Variants in PPM1L observed in about 807,000 individuals in gnomAD.
PPM1L encodes the protein protein phosphatase 1L.
In PPM1L, 13 loss-of-function variants were observed where a neutral mutation model predicts 31.4. That is an observed-to-expected ratio of 0.41 (90% CI 0.27 to 0.66). The LOEUF is 0.66. Among genes scored for constraint, PPM1L ranks in the 30% least tolerant of loss-of-function variants. The pLI, the probability that PPM1L is intolerant of heterozygous loss-of-function variation, is 0.29. For synonymous variants in PPM1L, 184 were observed against 175.4 expected (o/e 1.05, Z -0.39); for missense variants, 326 against 453.7 (o/e 0.72, Z 2.56).
rs546995690 is a variant in PPM1L at position 160,937,492 on chromosome 3, C to T, written c.400-24244C>T. Reference sequence around the variant, plus strand: ...AAAATTAGCCAGACGTGGTGGTGGGCGCCTGTAGTCCCAGCTACTTGGGAG... The same window carrying T: ...AAAATTAGCCAGACGTGGTGGTGGGTGCCTGTAGTCCCAGCTACTTGGGAG... On this transcript the variant is annotated intron_variant, in intron 1 of 3. Coordinates refer to ENST00000498165, the MANE Select transcript of PPM1L (RefSeq NM_139245.4). Among the ~76,000 whole-genome samples the T allele has an allele frequency of 1.5e-3, 233 of 152,130 alleles. 2 individuals are homozygous for T. In the South Asian group the frequency reaches 0.032, roughly 21 times the overall value.
chr3:161,041,355 C>G (rs1718898443), intron 2 of PPM1L, among the ~76,000 whole-genome samples: 1 of 152,212 alleles, frequency 6.6e-6, no homozygotes. Context: ...TAAAACCAAG[C>G]TGCACCCTGA....
At chr3:160,939,385 C>T (rs767841283) in intron 1 of PPM1L, among the ~76,000 whole-genome samples, 12 of 152,106 alleles carry the variant, frequency 7.9e-5, no homozygotes, top group East Asian at 1.9e-4. Flanking sequence ...TATTCTGCTC[C>T]GCAACTCCTT....
chr3:160,763,195 G>C (rs1715015706), intron 1 of PPM1L, among the ~76,000 whole-genome samples: 2 of 152,338 alleles, frequency 1.3e-5, no homozygotes, highest in South Asian at 4.1e-4. Context: ...AAGGCAGCCT[G>C]CTTGCTCCCT....
chr3:160,944,808 TAACA>T (rs537533609), intron 1 of PPM1L, among the ~76,000 whole-genome samples: 259 of 13,214 alleles, frequency 0.02, 35 homozygotes, highest in South Asian at 0.035. Flanking sequence ...ATAACATATA[TAACA>T]TATATATGTT....
intron 2 of PPM1L, among the ~76,000 whole-genome samples, chr3:161,049,543 G>A (rs1355102152): frequency 6.6e-6 from 1 of 152,178 alleles, no homozygotes; most frequent in Non-Finnish European, 1.5e-5. Flanking sequence ...GATTTAGGGT[G>A]TCAGACCTGG....
chr3:160,925,006 A>G (rs1302588411), intron 1 of PPM1L, among the ~76,000 whole-genome samples: 1 of 152,228 alleles, frequency 6.6e-6, no homozygotes, highest in Non-Finnish European at 1.5e-5. Context: ...TAAAAAGACT[A>G]TTCTCTCCTA....
chr3:160,998,556 C>A (rs1325436129), intron 2 of PPM1L, among the ~76,000 whole-genome samples: 1 of 151,962 alleles, frequency 6.6e-6, no homozygotes, highest in Non-Finnish European at 1.5e-5. Context: ...TTCAAAATGA[C>A]TTTCCTGAGG....
intron 2 of PPM1L, among the ~76,000 whole-genome samples, chr3:161,017,828 G>A (rs1718128378): frequency 6.6e-6 from 1 of 151,968 alleles, no homozygotes; most frequent in South Asian, 2.1e-4. Context: ...GAAATACAGG[G>A]GAAAAACAGA....
chr3:160,910,189 C>G (rs1166448654), intron 1 of PPM1L, among the ~76,000 whole-genome samples: 1 of 133,376 alleles, frequency 7.5e-6, no homozygotes, highest in Non-Finnish European at 1.6e-5. Context: ...CCTTCCCCTT[C>G]CCCTTCCCCT....
chr3:160,946,722 T>C lies in PPM1L; in HGVS notation c.400-15014T>C, dbSNP rs1013874704. Among the ~76,000 whole-genome samples, 2 of 152,166 alleles carry C rather than the reference T, an allele frequency of 1.3e-5. 1 individual carries two copies. Among genetic ancestry groups the C allele is most frequent in the Non-Finnish European group, 2.9e-5 (2 of 68,022 alleles). ...GAGTGGGGAGACCATTGGGCTTCTT[T>C]CCTTTGCCTTTGAAAGTGCCACTTT... On this transcript the variant is annotated intron_variant, in intron 1 of 3. Coordinates refer to ENST00000498165, the MANE Select transcript of PPM1L (RefSeq NM_139245.4).
At chr3:160,991,175 C>A (rs1031238009) in intron 2 of PPM1L, among the ~76,000 whole-genome samples, 1 of 151,898 alleles carries the variant, frequency 6.6e-6, no homozygotes, top group Admixed American at 6.6e-5. Flanking sequence ...TCGTCCTGGG[C>A]TGGTGGGCCA....
At chr3:161,047,113 T>G (rs1356494313) in intron 2 of PPM1L, among the ~76,000 whole-genome samples, 4 of 152,064 alleles carry the variant, frequency 2.6e-5, no homozygotes, top group African/African-American at 4.8e-5. Context: ...GAGAAAGAAA[T>G]AAAGGGTATT....
In PPM1L at chr3:161,074,439, C is replaced by A. The variant is rs1354050553; in HGVS notation, c.*5282C>A. On this transcript the variant is annotated 3_prime_UTR_variant, in exon 4 of 4. Coordinates refer to ENST00000498165, the MANE Select transcript of PPM1L (RefSeq NM_139245.4). The stretch of plus-strand genomic sequence containing the variant: ...GTACAGAGTGAATTAAGGCAAAAGT[C>A]ATTAACTTAAAATTACATCCAATAT... 6.6e-6 allele frequency: 1 copy of A among 152,142 alleles called. No individual in the cohort carries two copies. Among genetic ancestry groups the A allele is most frequent in the African/African-American group, 2.4e-5 (1 of 41,438 alleles). The allele number at this position is 152,142 out of a possible 1,614,324, so 9.4% of individuals were successfully genotyped here.
At chr3:160,849,468 C>T (rs1238322786) in intron 1 of PPM1L, among the ~76,000 whole-genome samples, 1 of 151,562 alleles carries the variant, frequency 6.6e-6, no homozygotes, top group Admixed American at 6.6e-5. Context: ...GGCTGGAGTG[C>T]AGTGACACAA....
chr3:161,069,033 G>T lies in PPM1L; in HGVS notation c.959G>T (p.Arg320Leu). Reference sequence around the variant, plus strand: ...GAAGCAGTTCGATTCATCAAGGAGCGCTTGGATGAACCTCACTTTGGGGCC... The same window carrying T: ...GAAGCAGTTCGATTCATCAAGGAGCTCTTGGATGAACCTCACTTTGGGGCC... ...NEEAVRFIKE[R>L]LDEPHFGAKS... The change falls in exon 4 of 4, where the codon CGC becomes CTC. Residue 320 changes from arginine (R) to leucine (L), a missense_variant. Physicochemically the swap from Arg to Leu is moderately radical, Grantham distance 102. Coordinates refer to ENST00000498165, the MANE Select transcript of PPM1L (RefSeq NM_139245.4). The T allele has an allele frequency of 6.2e-7, 1 of 1,614,100 alleles. No individual in the cohort carries two copies. The highest frequency in any genetic ancestry group is 1.1e-5 in the South Asian group (1 of 91,076).
At chr3:160,865,068 C>T (rs1340319266) in intron 1 of PPM1L, among the ~76,000 whole-genome samples, 1 of 124,586 alleles carries the variant, frequency 8.0e-6, no homozygotes, top group Non-Finnish European at 1.6e-5. Context: ...TATTTTTGTC[C>T]TGACTGTTAA....
intron 1 of PPM1L, among the ~76,000 whole-genome samples, chr3:160,931,263 A>G (rs78792593): frequency 0.012 from 1,860 of 152,322 alleles, 42 homozygotes; most frequent in African/African-American, 0.042. Flanking sequence ...GCCTGTGTGC[A>G]CAAGCTGATT....
intron 1 of PPM1L, among the ~76,000 whole-genome samples, chr3:160,942,836 G>A (rs1410917330): frequency 6.6e-6 from 1 of 151,998 alleles, no homozygotes; most frequent in East Asian, 1.9e-4. Context: ...CATTTTGATG[G>A]ATTTTCTTCG....
At chr3:160,980,555 C>T (rs985258946) in intron 2 of PPM1L, among the ~76,000 whole-genome samples, 3 of 150,254 alleles carry the variant, frequency 2.0e-5, no homozygotes, top group African/African-American at 2.4e-5. Context: ...GTAGTCCCAG[C>T]CACTCAGAAG....
Sources: allele counts gnomAD v4.1 joint callset (sites outside exome capture counted in the v4.1 genomes callset), GRCh38; gene constraint gnomAD v4.1.1; transcripts MANE v1.5; gene names NCBI Gene and HGNC (gene_info 2026-07-23, HGNC 2026-07-21).